The following FOXP4 variants were observed in gnomAD, a reference collection of about 807,000 sequenced individuals.
The protein encoded by FOXP4 is forkhead box protein P4.
FOXP4 carries 25 observed loss-of-function variants against 82.6 expected under a neutral mutation model. The observed-to-expected ratio is 0.30, with a 90% CI of 0.22 to 0.42. FOXP4 has a LOEUF of 0.42. Ranked by LOEUF, FOXP4 falls within the 10% of genes least tolerant of loss-of-function variation. The pLI is 1.00. For synonymous variants in FOXP4, 415 were observed against 388.2 expected (o/e 1.07, Z -0.81); for missense variants, 785 against 900.9 (o/e 0.87, Z 1.65).
chr6:41,585,686 G>A (rs574732512), intron 5 of FOXP4, among the ~76,000 whole-genome samples, 169 bp downstream of exon 5: 1 of 152,194 alleles, frequency 6.6e-6, no homozygotes, highest in Non-Finnish European at 1.5e-5. Context: ...TGGTTCTTAC[G>A]TGTCTCCATC....
intron 14 of FOXP4, among the ~76,000 whole-genome samples, chr6:41,596,699 T>A (rs1011879166): frequency 6.6e-6 from 1 of 151,908 alleles, no homozygotes; most frequent in African/African-American, 2.4e-5. Flanking sequence ...GAGGCTTCCA[T>A]ACAGAAGCCT....
At chr6:41,596,707 C>T (rs548266902) in intron 14 of FOXP4, among the ~76,000 whole-genome samples, 1 of 152,118 alleles carries the variant, frequency 6.6e-6, no homozygotes, top group Non-Finnish European at 1.5e-5. Context: ...CATACAGAAG[C>T]CTCCATGTGG....
At chr6:41,596,266 G>A (rs934649913) in intron 14 of FOXP4, among the ~76,000 whole-genome samples, 6 of 152,202 alleles carry the variant, frequency 3.9e-5, no homozygotes, top group African/African-American at 1.4e-4. Context: ...TGGCTTCCAC[G>A]TAGCAGCAGT....
In FOXP4 at chr6:41,550,784, T is replaced by G. The variant is rs534564984; in HGVS notation, c.-17+3917T>G. ...GAGCATTCCCCAGGCACTCCTAAGG[T>G]TCTTGTGAGACACACATAAATGGGA... is the stretch of plus-strand genomic sequence containing the variant. On this transcript the variant is annotated intron_variant, in intron 1 of 16. Transcript: ENST00000307972. 2.9e-4 allele frequency among the ~76,000 whole-genome samples: 44 copies of G among 152,312 alleles called. 1 individual carries two copies. The highest frequency in any genetic ancestry group is 5.1e-4 in the Non-Finnish European group (35 of 68,032).
At chr6:41,570,079 GACACAC>G (rs35549847) in intron 2 of FOXP4, 160 of 123,936 alleles carry the variant, frequency 1.3e-3, no homozygotes, top group East Asian at 2.4e-3. Context: ...ACCACCCCCT[GACACAC>G]ACACACACAC....
At chr6:41,556,332 T>G (rs866989418) in intron 1 of FOXP4, among the ~76,000 whole-genome samples, 3 of 151,294 alleles carry the variant, frequency 2.0e-5, no homozygotes, top group Non-Finnish European at 2.9e-5. Context: ...AATGTTTTTT[T>G]TTTTTTTTTG....
At chr6:41,597,277 C>T in intron 15 of FOXP4, 35 bp downstream of exon 15, 1 of 1,605,106 alleles carries the variant, frequency 6.2e-7, no homozygotes, top group Middle Eastern at 1.8e-4. Flanking sequence ...TCACCTCTAC[C>T]TCCCGCCCCC....
intron 1 of FOXP4, among the ~76,000 whole-genome samples, chr6:41,548,077 G>C (rs918153160): frequency 3.9e-5 from 6 of 152,162 alleles, no homozygotes; most frequent in South Asian, 2.1e-4. Flanking sequence ...TCCTAGGTTG[G>C]GGGGAAAGGG....
At chr6:41,584,180 T>G in intron 3 of FOXP4, among the ~76,000 whole-genome samples, 1 of 152,232 alleles carries the variant, frequency 6.6e-6, no homozygotes, top group East Asian at 1.9e-4. Flanking sequence ...CTCTGGCCAC[T>G]GTGTGTGCCG....
intron 16 of FOXP4, among the ~76,000 whole-genome samples, chr6:41,598,502 G>A (rs965655099): frequency 6.6e-6 from 1 of 152,138 alleles, no homozygotes; most frequent in Non-Finnish European, 1.5e-5. Context: ...ACATGTGTGA[G>A]CCACCTCGCC....
chr6:41,581,337 T>C (rs1392396607), intron 3 of FOXP4, among the ~76,000 whole-genome samples: 3 of 152,210 alleles, frequency 2.0e-5, no homozygotes. Flanking sequence ...GCTTCCTGTG[T>C]GTCAGGCACT....
At position 41,601,431 on chromosome 6, in the gene FOXP4, C is replaced by G. The variant is rs559188720; in HGVS notation, c.*2495C>G. 6.6e-6 allele frequency: 1 copy of G among 152,436 alleles called. No homozygotes were observed. Among genetic ancestry groups the G allele is most frequent in the Admixed American group, 6.5e-5 (1 of 15,298 alleles). 9.4% of individuals were successfully genotyped at this position (152,436 alleles called of 1,614,324 possible). A position where few individuals can be genotyped will look rare whatever the true frequency, so the allele number is the denominator to read the frequency against. On this transcript the variant is annotated 3_prime_UTR_variant, in exon 17 of 17. Transcript: ENST00000307972. The stretch of plus-strand genomic sequence containing the variant: ...CAGAGCCCCTCCCGCCGCCTCAGAC[C>G]CCTGTGCACATCCCCAGGGCCTCAG...
intron 3 of FOXP4, among the ~76,000 whole-genome samples, chr6:41,583,847 G>A (rs1765942662): frequency 5.3e-5 from 8 of 152,180 alleles, no homozygotes. Context: ...CCCTGTAGCT[G>A]GATTCTTTGG....
intron 8 of FOXP4, among the ~76,000 whole-genome samples, 159 bp downstream of exon 8, chr6:41,588,056 T>A (rs1262139416): frequency 6.6e-6 from 1 of 152,038 alleles, no homozygotes; most frequent in Non-Finnish European, 1.5e-5. Flanking sequence ...CCCCACGGAC[T>A]CCCTGATCAC....
chr6:41,553,003 C>T (rs1013268906), intron 1 of FOXP4, among the ~76,000 whole-genome samples: 1 of 152,184 alleles, frequency 6.6e-6, no homozygotes, highest in African/African-American at 2.4e-5. Context: ...CATCCTCGGG[C>T]TCACCATCCT....
In FOXP4 at chr6:41,551,769, C is replaced by T. The variant is rs181594198; in HGVS notation, c.-17+4902C>T. On this transcript the variant is annotated intron_variant, in intron 1 of 16. Coordinates refer to ENST00000307972, the MANE Select transcript of FOXP4 (RefSeq NM_001012426.2). ...CAGCAAAGGGGTGGCAAAATGATGG[C>T]GACTTGAAGGTAGGGTGGCTTAGGG... Among the ~76,000 whole-genome samples, 380 of 152,202 alleles carry T rather than the reference C, an allele frequency of 2.5e-3. 2 individuals carry two copies. The highest frequency in any genetic ancestry group is 8.2e-3 in the African/African-American group (341 of 41,534).
chr6:41,584,703 G>C, intron 3 of FOXP4, 66 bp from the exon 4 acceptor site: 8 of 1,501,996 alleles, frequency 5.3e-6, no homozygotes, highest in Non-Finnish European at 7.2e-6. Context: ...TGAGAGTGGG[G>C]CCCTGGGTGG....
At chr6:41,549,086 A>T (rs1363022930) in intron 1 of FOXP4, among the ~76,000 whole-genome samples, 2 of 152,126 alleles carry the variant, frequency 1.3e-5, no homozygotes, top group African/African-American at 4.8e-5. Context: ...ACCCAGGGCC[A>T]GGGTGAGCGC....
Position 41,598,869 on chromosome 6 carries a change from C to G in FOXP4, c.1976C>G (p.Pro659Arg), listed in dbSNP as rs1185545645. ...GGGCCTCCCCTGGGCGCCCCTAACC[C>G]CAGCGCCTCGGGGCCTCCGGAAGAC... Reference protein sequence around the residue: ...QPGPPLGAPNPSASGPPEDRD... With the variant: ...QPGPPLGAPNRSASGPPEDRD... Residue 659 changes from proline to arginine, a missense_variant, in exon 17 of 17, where the codon CCC becomes CGC. Pro to Arg is a moderately radical substitution (Grantham distance 103, BLOSUM62 -2). Coordinates refer to ENST00000307972, the MANE Select transcript of FOXP4 (RefSeq NM_001012426.2). 2 of 1,599,434 alleles carry G rather than the reference C, an allele frequency of 1.3e-6. No homozygotes were observed. The highest frequency in any genetic ancestry group is 4.5e-5 in the East Asian group (2 of 44,316).
Sources: gnomAD v4.1 joint callset for allele counts (sites outside exome capture counted in the v4.1 genomes callset) on GRCh38, gnomAD v4.1.1 for gene constraint, MANE v1.5 for transcripts, NCBI Gene and HGNC (gene_info 2026-07-23, HGNC 2026-07-21) for gene names.